CCDC138: variants seen among roughly 807,000 people sequenced by gnomAD.
CCDC138 encodes the protein coiled-coil domain-containing protein 138.
A neutral mutation model predicts 82.3 loss-of-function variants in CCDC138; 66 were observed. That is an observed-to-expected ratio of 0.80 (90% confidence interval 0.66 to 0.98). The LOEUF (loss-of-function observed/expected upper bound fraction) is 0.98. Ranked by LOEUF, CCDC138 falls within the 50% of genes least tolerant of loss-of-function variation. The pLI is 0.00. For missense variants in CCDC138, 816 were observed against 758.9 expected, an observed-to-expected ratio of 1.08 and a Z score of -0.88; for synonymous variants, 297 against 265.4, an observed-to-expected ratio of 1.12 and a Z score of -1.16.
At chr2:108,885,390 CTT>C in exon 3 of CCDC138, 1 of 152,314 alleles carries the variant, frequency 6.6e-6, no homozygotes, top group East Asian at 1.9e-4. Context: ...TACCTAATGA[CTT>C]TAACTTCTTT....
In CCDC138 at chr2:108,836,985, T is replaced by C. The variant is rs373904228; in HGVS notation, c.1207-2200T>C. On this transcript the variant is annotated intron_variant, in intron 10 of 14. Transcript: ENST00000295124. ...TGGAATCTTTAGGACTTTCGACATA[T>C]AAGGTCATGCCATCTGAGAAGAGAG... Among the ~76,000 whole-genome samples, 21 of 152,274 alleles carry C rather than the reference T, an allele frequency of 1.4e-4. No homozygotes were observed. In the East Asian group the frequency reaches 3.1e-3, roughly 22 times the overall value.
chr2:108,816,203 C>T (rs1684778310), intron 10 of CCDC138, 98 bp downstream of exon 10: 4 of 902,146 alleles, frequency 4.4e-6, no homozygotes, highest in East Asian at 2.6e-5. Flanking sequence ...ATAATCCCAT[C>T]ACTTTGGGAG....
intron 7 of CCDC138, among the ~76,000 whole-genome samples, chr2:108,808,217 GA>G (rs2149742464): frequency 6.6e-6 from 1 of 152,198 alleles, no homozygotes; most frequent in South Asian, 2.1e-4. Flanking sequence ...TGGTTATAAA[GA>G]AAATGTATAA....
chr2:108,868,678 A>C (rs1157981246), intron 13 of CCDC138, among the ~76,000 whole-genome samples: 1 of 152,180 alleles, frequency 6.6e-6, no homozygotes, highest in Non-Finnish European at 1.5e-5. Context: ...TTTCTTCTGA[A>C]GAAGAACAGA....
chr2:108,818,862 A>T (rs1466774946), intron 10 of CCDC138, among the ~76,000 whole-genome samples: 1 of 151,812 alleles, frequency 6.6e-6, no homozygotes, highest in East Asian at 1.9e-4. Context: ...TAATTTACTT[A>T]AGGATGGATT....
chr2:108,818,859 C>T (rs1685201691), intron 10 of CCDC138, among the ~76,000 whole-genome samples: 1 of 150,428 alleles, frequency 6.6e-6, no homozygotes, highest in Admixed American at 6.6e-5. Context: ...TTATAATTTA[C>T]TTAAGGATGG....
In CCDC138 at chr2:108,824,994, A is replaced by G. The variant is rs145884946; in HGVS notation, c.1206+8889A>G. On this transcript the variant is annotated intron_variant, in intron 10 of 14. Coordinates refer to ENST00000295124, the MANE Select transcript of CCDC138 (RefSeq NM_144978.3). Reference sequence around the variant, plus strand: ...GAGTTGTTTCAGAGGGAACTCTTTCATATGGAACTAGACATATGTATGGAA... The same window carrying G: ...GAGTTGTTTCAGAGGGAACTCTTTCGTATGGAACTAGACATATGTATGGAA... 5.0e-3 allele frequency among the ~76,000 whole-genome samples: 761 copies of G among 152,340 alleles called. 4 individuals carry two copies. Among genetic ancestry groups the G allele is most frequent in the South Asian group, 0.021 (102 of 4,830 alleles).
At chr2:108,853,057 C>T (rs1436378363) in intron 12 of CCDC138, among the ~76,000 whole-genome samples, 3 of 152,132 alleles carry the variant, frequency 2.0e-5, no homozygotes, top group Non-Finnish European at 2.9e-5. Flanking sequence ...TGAGATCTAC[C>T]TTAAGAAATA....
intron 2 of CCDC138, chr2:108,883,806 A>C (rs995014272): frequency 6.6e-6 from 1 of 151,868 alleles, no homozygotes; most frequent in Admixed American, 6.6e-5. Flanking sequence ...CCTAAACCTC[A>C]CTCCTCTCTT....
intron 11 of CCDC138, among the ~76,000 whole-genome samples, chr2:108,844,462 A>T (rs1042206692): frequency 2.2e-4 from 34 of 152,156 alleles, no homozygotes; most frequent in Admixed American, 1.6e-3. Context: ...CTAAAAGCGT[A>T]TGCAGGTGTT....
chr2:108,851,223 A>G (rs911234170), intron 12 of CCDC138, among the ~76,000 whole-genome samples: 8 of 152,128 alleles, frequency 5.3e-5, no homozygotes, highest in Non-Finnish European at 1.2e-4. Context: ...CTGGAGCACC[A>G]CGCTCCAGAA....
Position 108,876,289 on chromosome 2 carries a change from T to C in CCDC138, c.*36T>C. On this transcript the variant is annotated 3_prime_UTR_variant, in exon 15 of 15. Coordinates refer to ENST00000295124, the MANE Select transcript of CCDC138 (RefSeq NM_144978.3). ...TTTTTAATATAGTATATGTGGTGCT[T>C]ATTTATAAACATGTAGAAATTACCA... 1 of 1,215,336 alleles carries C rather than the reference T, an allele frequency of 8.2e-7. No homozygotes were observed. The highest frequency in any genetic ancestry group is 1.1e-6 in the Non-Finnish European group (1 of 882,626). The allele number at this position is 1,215,336 out of a possible 1,614,324, so 75.3% of individuals were successfully genotyped here. A position where few individuals can be genotyped will look rare whatever the true frequency, so the allele number is the denominator to read the frequency against.
Position 108,829,457 on chromosome 2 carries a change from A to AT in CCDC138, c.1207-9725dup, listed in dbSNP as rs549221992. Reference sequence around the variant, plus strand: ...CCACTTAACACCTATTAGAATGTTTATTTAAAAAATAAACATGGTGGCCCA... The same window carrying AT: ...CCACTTAACACCTATTAGAATGTTTATTTTAAAAAATAAACATGGTGGCCCA... On this transcript the variant is annotated intron_variant, in intron 10 of 14. Transcript: ENST00000295124. 4.1e-3 allele frequency among the ~76,000 whole-genome samples: 622 copies of AT among 152,372 alleles called. 7 individuals are homozygous for AT. Among genetic ancestry groups the AT allele is most frequent in the African/African-American group, 0.014 (602 of 41,588 alleles).
intron 14 of CCDC138, among the ~76,000 whole-genome samples, chr2:108,874,127 C>G (rs1024977810): frequency 6.6e-6 from 1 of 152,018 alleles, no homozygotes; most frequent in African/African-American, 2.4e-5. Flanking sequence ...AGAATAAATT[C>G]TTGCATACTG....
intron 10 of CCDC138, among the ~76,000 whole-genome samples, chr2:108,834,219 T>A (rs1688210421): frequency 1.3e-5 from 2 of 151,180 alleles, no homozygotes; most frequent in Admixed American, 6.6e-5. Flanking sequence ...TTGAAATTTT[T>A]TTTTTTTTTT....
chr2:108,856,129 C>T (rs989902781), intron 12 of CCDC138, among the ~76,000 whole-genome samples: 2 of 152,060 alleles, frequency 1.3e-5, no homozygotes, highest in African/African-American at 4.8e-5. Flanking sequence ...TTAGTGCTTC[C>T]CAATCCTGGC....
At chr2:108,880,778 C>T (rs1047082532), downstream of CCDC138, among the ~76,000 whole-genome samples, 3 of 152,184 alleles carry the variant, frequency 2.0e-5, no homozygotes, top group Non-Finnish European at 4.4e-5. Context: ...GAAAACATTA[C>T]CACTTACTAA....
At chr2:108,865,544 A>G (rs1225474362) in intron 13 of CCDC138, among the ~76,000 whole-genome samples, 1 of 152,182 alleles carries the variant, frequency 6.6e-6, no homozygotes, top group Admixed American at 6.5e-5. Flanking sequence ...CTCATTCTGG[A>G]GAAGACCCTC....
intron 3 of CCDC138, 32 bp downstream of exon 3, chr2:108,788,998 C>A: frequency 6.2e-7 from 1 of 1,610,394 alleles, no homozygotes. Flanking sequence ...CTGTTGCTAC[C>A]CCCTCAGTAT....
Sources: gnomAD v4.1 joint callset for allele counts (sites outside exome capture counted in the v4.1 genomes callset) on GRCh38, gnomAD v4.1.1 for gene constraint, MANE v1.5 for transcripts, NCBI Gene and HGNC (gene_info 2026-07-23, HGNC 2026-07-21) for gene names.